UQCC6: variants seen among roughly 807,000 people sequenced by gnomAD.
The protein encoded by UQCC6 is ubiquinol-cytochrome c reductase complex assembly factor 6, also known as protein BRAWNIN.
chr12:103,963,544 T>C, the UQCC6 span, among the ~76,000 whole-genome samples: 1 of 152,236 alleles, frequency 6.6e-6, no homozygotes, highest in African/African-American at 2.4e-5. Flanking sequence ...TTATATTGAA[T>C]CTTTAAACAT....
At chr12:103,964,174 A>G in the UQCC6 span, among the ~76,000 whole-genome samples, 1 of 98,128 alleles carries the variant, frequency 1.0e-5, no homozygotes, top group African/African-American at 4.1e-5. Flanking sequence ...TTTTTTTGAG[A>G]CGGAGTCTCA....
At chr12:103,955,962 GTGTC>G in the UQCC6 span, among the ~76,000 whole-genome samples, 2 of 152,240 alleles carry the variant, frequency 1.3e-5, no homozygotes, top group South Asian at 4.1e-4. Flanking sequence ...TACTTATTGA[GTGTC>G]TGCTACATTC....
chr12:103,952,038 G>A, the UQCC6 span, among the ~76,000 whole-genome samples: 114 of 152,322 alleles, frequency 7.5e-4, no homozygotes, highest in African/African-American at 2.7e-3. Context: ...CCTATTATAT[G>A]CAAAGCAGAA....
the UQCC6 span, among the ~76,000 whole-genome samples, chr12:103,958,361 G>A: frequency 6.6e-6 from 1 of 152,056 alleles, no homozygotes; most frequent in Non-Finnish European, 1.5e-5. Flanking sequence ...TATACAATAT[G>A]ATGTTTGACA....
At chr12:103,956,978 G>A in the UQCC6 span, 2 of 511,958 alleles carry the variant, frequency 3.9e-6, no homozygotes, top group Non-Finnish European at 7.0e-6. Context: ...GTTTATCAGT[G>A]AGGGGCGCCG....
chr12:103,958,627 T>C, the UQCC6 span, among the ~76,000 whole-genome samples: 1 of 152,252 alleles, frequency 6.6e-6, no homozygotes, highest in East Asian at 1.9e-4. Flanking sequence ...TTGTTGCATG[T>C]CTTAGTAGTT....
At chr12:103,960,643 CACAG>C in the UQCC6 span, among the ~76,000 whole-genome samples, 2 of 152,118 alleles carry the variant, frequency 1.3e-5, no homozygotes, top group Admixed American at 1.3e-4. Flanking sequence ...TTAAATGGGT[CACAG>C]ACATTCATGT....
At chr12:103,951,496 AT>A in the UQCC6 span, 8 of 1,240,922 alleles carry the variant, frequency 6.4e-6, no homozygotes, top group African/African-American at 1.1e-4. Context: ...TTTAAGACTT[AT>A]ATTATTCACA....
chr12:103,959,288 C>T, the UQCC6 span, among the ~76,000 whole-genome samples: 1 of 152,172 alleles, frequency 6.6e-6, no homozygotes, highest in African/African-American at 2.4e-5. Flanking sequence ...AGATATAAAG[C>T]TACTATGACC....
chr12:103,961,200 C>G, the UQCC6 span, among the ~76,000 whole-genome samples: 2 of 151,030 alleles, frequency 1.3e-5, no homozygotes, highest in South Asian at 4.2e-4. Context: ...AAATTAAAAA[C>G]AGAAAAAAGG....
the UQCC6 span, chr12:103,954,767 T>TTA: frequency 1.8e-6 from 1 of 553,534 alleles, no homozygotes; most frequent in Non-Finnish European, 3.2e-6. Context: ...AGAAAGGAGG[T>TTA]TATAAGAGGG....
At chr12:103,965,674 G>A in the UQCC6 span, 2 of 271,808 alleles carry the variant, frequency 7.4e-6, no homozygotes, top group East Asian at 6.6e-5. Flanking sequence ...GACAAAAGCT[G>A]ACGTCGGCAG....
the UQCC6 span, among the ~76,000 whole-genome samples, chr12:103,961,469 C>A: frequency 6.6e-6 from 1 of 152,178 alleles, no homozygotes. Context: ...CCCAGAGCAA[C>A]AAGGAGTTCT....
At chr12:103,964,860 C>G in the UQCC6 span, among the ~76,000 whole-genome samples, 1 of 152,076 alleles carries the variant, frequency 6.6e-6, no homozygotes, top group East Asian at 1.9e-4. Flanking sequence ...TTAAACGTTT[C>G]ACTCAAACTT....
the UQCC6 span, among the ~76,000 whole-genome samples, chr12:103,958,129 TC>T: frequency 6.7e-6 from 1 of 149,378 alleles, no homozygotes; most frequent in Non-Finnish European, 1.5e-5. Flanking sequence ...GGCAGGGGAA[TC>T]GCTTGAACCC....
chr12:103,961,123 T>TAGGC, the UQCC6 span, among the ~76,000 whole-genome samples: 1 of 151,552 alleles, frequency 6.6e-6, no homozygotes, highest in African/African-American at 2.4e-5. Flanking sequence ...TGACCCTGTG[T>TAGGC]AGGCCTAGGC....
the UQCC6 span, chr12:103,957,097 A>G: frequency 1.5e-5 from 4 of 273,264 alleles, no homozygotes; most frequent in African/African-American, 6.6e-5. Context: ...TGTGGACTTC[A>G]CTCCTCTCTG....
At chr12:103,952,066 T>C in the UQCC6 span, among the ~76,000 whole-genome samples, 21 of 152,234 alleles carry the variant, frequency 1.4e-4, no homozygotes, top group South Asian at 4.1e-3. Context: ...TGCAAAAAAA[T>C]ACAAAATCCC....
At chr12:103,958,211 G>A in the UQCC6 span, among the ~76,000 whole-genome samples, 3 of 142,814 alleles carry the variant, frequency 2.1e-5, no homozygotes, top group Non-Finnish European at 3.0e-5. Context: ...GCAAGACTCC[G>A]TCTCAAAAAA....
Sources: gnomAD v4.1 joint callset for allele counts (sites outside exome capture counted in the v4.1 genomes callset) on GRCh38, gnomAD v4.1.1 for gene constraint, MANE v1.5 for transcripts, NCBI Gene and HGNC (gene_info 2026-07-23, HGNC 2026-07-21) for gene names.